TNS3: variants seen among roughly 807,000 people sequenced by gnomAD.
TNS3 encodes tensin 3.
Under a neutral mutation model 140.9 loss-of-function variants are expected in TNS3, and 45 were observed. The observed-to-expected ratio is 0.32, with a 90% CI of 0.25 to 0.41. The LOEUF (loss-of-function observed/expected upper bound fraction) is 0.41. Ranked by LOEUF, TNS3 falls within the 10% of genes least tolerant of loss-of-function variation. TNS3 has a pLI of 1.00. For synonymous variants in TNS3, 815 were observed against 788.4 expected (o/e 1.03, Z -0.56); for missense variants, 1,716 against 1,906.7 (o/e 0.90, Z 1.86).
chr7:47,365,259 A>G (rs1242260311), intron 17 of TNS3, among the ~76,000 whole-genome samples: 1 of 151,970 alleles, frequency 6.6e-6, no homozygotes, highest in African/African-American at 2.4e-5. Context: ...ACCTTGGCCA[A>G]TATGGTGAAA....
At chr7:47,378,889 C>T (rs1791579331) in intron 16 of TNS3, among the ~76,000 whole-genome samples, 1 of 152,214 alleles carries the variant, frequency 6.6e-6, no homozygotes, top group South Asian at 2.1e-4. Flanking sequence ...ATGGCACCGG[C>T]GCTGGACTTG....
intron 1 of TNS3, among the ~76,000 whole-genome samples, chr7:47,577,356 A>G (rs1203008558): frequency 6.6e-6 from 1 of 152,244 alleles, no homozygotes; most frequent in Non-Finnish European, 1.5e-5. Context: ...TCTAACATGA[A>G]CCATAATTAG....
rs1796075571 is a variant in TNS3, at chr7:47,452,797, G to A, written c.-75-10742C>T. The A allele has an allele frequency of 1.1e-5, 5 of 443,218 alleles. No individual in the cohort carries two copies. The South Asian group carries it at 3.8e-4, about 33-fold the overall frequency. 27.5% of individuals were successfully genotyped at this position (443,218 alleles called of 1,614,324 possible). On this transcript the variant is annotated intron_variant, in intron 4 of 30. Transcript: ENST00000311160. ...ACATCTGCAGCATTGAAGTGAAAGG[G>A]GAAAAATGACTTGGAAATGCCCCTT...
chr7:47,360,210 C>T (rs1185438150), intron 17 of TNS3, among the ~76,000 whole-genome samples: 2 of 152,266 alleles, frequency 1.3e-5, no homozygotes, highest in East Asian at 1.9e-4. Context: ...TGGGCTGACT[C>T]GGTTATTAAA....
intron 17 of TNS3, among the ~76,000 whole-genome samples, chr7:47,361,437 G>T (rs531564006): frequency 1.1e-4 from 17 of 152,154 alleles, no homozygotes; most frequent in Middle Eastern, 3.4e-3. Context: ...GCCTCACAAG[G>T]CCTGGCTGAG....
At chr7:47,436,801 T>A (rs1795204361) in intron 7 of TNS3, among the ~76,000 whole-genome samples, 1 of 152,142 alleles carries the variant, frequency 6.6e-6, no homozygotes, top group African/African-American at 2.4e-5. Context: ...ATTTGTTCCA[T>A]GCATATATAT....
intron 1 of TNS3, among the ~76,000 whole-genome samples, chr7:47,541,884 G>A (rs1358182072): frequency 6.6e-6 from 1 of 151,324 alleles, no homozygotes; most frequent in Non-Finnish European, 1.5e-5. Flanking sequence ...GAGAGACGGA[G>A]CTTGCAGTGA....
chr7:47,340,587 T>TTTTTTTTTTTC (rs1426845693), intron 20 of TNS3, among the ~76,000 whole-genome samples: 2 of 144,320 alleles, frequency 1.4e-5, no homozygotes, highest in Non-Finnish European at 1.5e-5. Flanking sequence ...TTTTTTTTCT[T>TTTTTTTTTTTC]TTTTTTTTTT....
intron 20 of TNS3, among the ~76,000 whole-genome samples, chr7:47,333,001 G>A (rs1391250289): frequency 6.6e-6 from 1 of 152,210 alleles, no homozygotes; most frequent in African/African-American, 2.4e-5. Context: ...CCCAAAGTGA[G>A]CAAACGAGAA....
chr7:47,344,692 T>C, intron 20 of TNS3, 63 bp downstream of exon 20: 1 of 1,469,054 alleles, frequency 6.8e-7, no homozygotes, highest in Non-Finnish European at 9.3e-7. Context: ...TCTGTAAAAA[T>C]GGCGACCCCG....
intron 2 of TNS3, among the ~76,000 whole-genome samples, chr7:47,510,130 A>G (rs1050666410): frequency 2.0e-5 from 3 of 152,186 alleles, no homozygotes; most frequent in Non-Finnish European, 2.9e-5. Flanking sequence ...CGTGCTGGAC[A>G]ACTGTGTCCC....
At chr7:47,557,102 A>G in intron 1 of TNS3, 1 of 456,802 alleles carries the variant, frequency 2.2e-6, no homozygotes, top group Non-Finnish European at 4.4e-6. Context: ...CCGAATCCTG[A>G]TCTCTGCCTG....
intron 20 of TNS3, among the ~76,000 whole-genome samples, chr7:47,336,969 G>A (rs1196122659): frequency 1.3e-5 from 2 of 152,092 alleles, no homozygotes; most frequent in African/African-American, 4.8e-5. Flanking sequence ...GTCCAACCGT[G>A]GCAAGCTCAG....
At chr7:47,510,848 T>A (rs1365602432) in intron 2 of TNS3, among the ~76,000 whole-genome samples, 2 of 120,862 alleles carry the variant, frequency 1.7e-5, no homozygotes, top group African/African-American at 6.3e-5. Context: ...GGTGACAGAG[T>A]AAGACTGTCT....
chr7:47,291,829 G>C, intron 27 of TNS3, 126 bp downstream of exon 27: 1 of 1,057,598 alleles, frequency 9.5e-7, no homozygotes, highest in Non-Finnish European at 1.4e-6. Context: ...TCTATAAAAG[G>C]AAACCTCCTT....
intron 4 of TNS3, among the ~76,000 whole-genome samples, chr7:47,455,928 G>A (rs1796227697): frequency 6.6e-6 from 1 of 152,220 alleles, no homozygotes; most frequent in Non-Finnish European, 1.5e-5. Context: ...GCGTGTGGTG[G>A]GTGGGGCAGC....
chr7:47,530,682 G>A (rs58488957), intron 1 of TNS3, among the ~76,000 whole-genome samples: 3,142 of 150,862 alleles, frequency 0.021, 110 homozygotes, highest in African/African-American at 0.071. Flanking sequence ...AAAATTAGCC[G>A]GGCATGGTGG....
chr7:47,418,576 C>A (rs1794207411), intron 10 of TNS3, among the ~76,000 whole-genome samples: 1 of 152,216 alleles, frequency 6.6e-6, no homozygotes, highest in Admixed American at 6.5e-5. Flanking sequence ...AAAACAGCTC[C>A]ATTATTTTCC....
chr7:47,439,796 T>C (rs1795372784), intron 5 of TNS3, 138 bp from the exon 6 acceptor site: 1 of 836,580 alleles, frequency 1.2e-6, no homozygotes, highest in Admixed American at 2.2e-5. Flanking sequence ...TACGGGAATT[T>C]ACAGTGTGTG....
Sources: allele counts gnomAD v4.1 joint callset (sites outside exome capture counted in the v4.1 genomes callset), GRCh38; gene constraint gnomAD v4.1.1; transcripts MANE v1.5; gene names NCBI Gene and HGNC (gene_info 2026-07-23, HGNC 2026-07-21).